The following MAP3K20 variants were observed in gnomAD, a reference collection of about 807,000 sequenced individuals.
MAP3K20 encodes mitogen-activated protein kinase kinase kinase 20, also known as HCCS-4.
MAP3K20 carries 40 observed loss-of-function variants against 85.7 expected under a neutral mutation model. That is an observed-to-expected ratio of 0.47 (90% CI 0.36 to 0.61). The LOEUF is 0.61. MAP3K20 is among the 20% of genes least tolerant of loss of function. MAP3K20 has a pLI of 0.00. For missense variants in MAP3K20, 817 were observed against 961.7 expected (o/e 0.85, Z 1.99); for synonymous variants, 325 against 327.7 (o/e 0.99, Z 0.09).
chr2:173,242,571 G>A (rs4972539), intron 16 of MAP3K20, among the ~76,000 whole-genome samples: 25,803 of 151,870 alleles, frequency 0.17, 2,650 homozygotes, highest in Admixed American at 0.28. Context: ...ATTTGAAACT[G>A]AATACAATGG....
chr2:173,240,445 T>C (rs1472184475), intron 16 of MAP3K20, among the ~76,000 whole-genome samples: 1 of 152,160 alleles, frequency 6.6e-6, no homozygotes, highest in African/African-American at 2.4e-5. Flanking sequence ...TGACTGGAAA[T>C]TGTTGTGAGG....
intron 2 of MAP3K20, among the ~76,000 whole-genome samples, chr2:173,144,462 C>CA (rs71018537): frequency 2.5e-3 from 233 of 92,792 alleles, no homozygotes; most frequent in African/African-American, 3.4e-3. Flanking sequence ...GACTCCGTCT[C>CA]AAAAAAAAAA....
At chr2:173,181,366 GA>G (rs34878141) in intron 3 of MAP3K20, among the ~76,000 whole-genome samples, 7 of 146,886 alleles carry the variant, frequency 4.8e-5, no homozygotes, top group East Asian at 2.0e-4. Context: ...CCCTTTCTCA[GA>G]AAAAAAAAAA....
chr2:173,148,433 C>G lies in MAP3K20; in HGVS notation c.160-21372C>G, dbSNP rs72908913. Among the ~76,000 whole-genome samples the G allele has an allele frequency of 6.8e-3, 1,035 of 152,222 alleles. 16 individuals carry two copies. Among genetic ancestry groups the G allele is most frequent in the Middle Eastern group, 0.017 (5 of 294 alleles). ...AGAACATGTTCTTTATTTTACTATT[C>G]GAAAGGGACTTGGAATTTATTCCAC... is the stretch of plus-strand genomic sequence containing the variant. On this transcript the variant is annotated intron_variant, in intron 2 of 19. Transcript: ENST00000375213.
chr2:173,247,382 C>A, intron 16 of MAP3K20, among the ~76,000 whole-genome samples: 1 of 151,238 alleles, frequency 6.6e-6, no homozygotes, highest in African/African-American at 2.4e-5. Context: ...GATAGATAAA[C>A]ATGAATAAAA....
intron 11 of MAP3K20, chr2:173,224,565 C>G (rs1684335079): frequency 1.0e-6 from 1 of 985,122 alleles, no homozygotes. Flanking sequence ...ATGGTCATAG[C>G]TCATTACTCT....
intron 2 of MAP3K20, among the ~76,000 whole-genome samples, chr2:173,163,315 T>G (rs1051107429): frequency 1.3e-5 from 2 of 152,196 alleles, no homozygotes; most frequent in African/African-American, 2.4e-5. Context: ...GTCTATTGTT[T>G]CCTACTTTGT....
rs570013641 is a variant in MAP3K20, at chr2:173,088,054, T to C, written c.-34-2944T>C. 3.6e-5 allele frequency among the ~76,000 whole-genome samples: 4 copies of C among 110,122 alleles called. No homozygotes were observed. The East Asian group carries it at 7.9e-4, about 22-fold the overall frequency. The allele number at this position is 110,122 out of a possible 152,430, so 72.2% of individuals were successfully genotyped here. A position where few individuals can be genotyped will look rare whatever the true frequency, so the allele number is the denominator to read the frequency against. Reference sequence around the variant, plus strand: ...CTAGAAGGAGTGTCTCTAAAAACAATAGAACCAAAGAGTGAAAAAAAAGAG... The same window carrying C: ...CTAGAAGGAGTGTCTCTAAAAACAACAGAACCAAAGAGTGAAAAAAAAGAG... On this transcript the variant is annotated intron_variant, in intron 1 of 19. Coordinates refer to ENST00000375213, the MANE Select transcript of MAP3K20 (RefSeq NM_016653.3).
intron 16 of MAP3K20, among the ~76,000 whole-genome samples, chr2:173,253,534 C>G (rs1029612345): frequency 6.6e-6 from 1 of 152,164 alleles, no homozygotes; most frequent in South Asian, 2.1e-4. Context: ...TTTTTCCATA[C>G]TGTTTCCATT....
chr2:173,249,768 T>C (rs1300549688), intron 16 of MAP3K20, among the ~76,000 whole-genome samples: 1 of 152,220 alleles, frequency 6.6e-6, no homozygotes, highest in Non-Finnish European at 1.5e-5. Flanking sequence ...GAAGACCTAG[T>C]ACTTTCCAAT....
intron 14 of MAP3K20, among the ~76,000 whole-genome samples, chr2:173,237,119 C>T (rs567672941): frequency 9.9e-5 from 15 of 150,912 alleles, no homozygotes; most frequent in Middle Eastern, 3.4e-3. Flanking sequence ...CTCCGCCTCC[C>T]GGATTCAAGC....
intron 2 of MAP3K20, among the ~76,000 whole-genome samples, chr2:173,099,910 T>G (rs147168787): frequency 0.011 from 1,625 of 152,314 alleles, 13 homozygotes; most frequent in Non-Finnish European, 0.014. Flanking sequence ...ATATGTGAAA[T>G]GTATGTAGAA....
At chr2:173,116,010 A>G (rs1559237522) in intron 2 of MAP3K20, among the ~76,000 whole-genome samples, 1 of 108,796 alleles carries the variant, frequency 9.2e-6, no homozygotes. Context: ...GAAAGAGTCT[A>G]ATTAAAAAAA....
chr2:173,208,397 TAAA>T (rs11446256), intron 9 of MAP3K20, among the ~76,000 whole-genome samples: 4 of 144,888 alleles, frequency 2.8e-5, no homozygotes, highest in African/African-American at 1.0e-4. Flanking sequence ...GACTCTGTCT[TAAA>T]AAAAAAAAAA....
chr2:173,091,918 C>T (rs1225676730), intron 2 of MAP3K20, among the ~76,000 whole-genome samples: 1 of 152,208 alleles, frequency 6.6e-6, no homozygotes, highest in Admixed American at 6.5e-5. Flanking sequence ...TGCAGGGACT[C>T]AGCAGCATTG....
At chr2:173,167,434 C>T (rs1188567976) in intron 2 of MAP3K20, among the ~76,000 whole-genome samples, 1 of 152,074 alleles carries the variant, frequency 6.6e-6, no homozygotes, top group Non-Finnish European at 1.5e-5. Flanking sequence ...ATTCAGTCTG[C>T]CTCTGTTTAC....
At chr2:173,139,681 G>A (rs1226205743) in intron 2 of MAP3K20, among the ~76,000 whole-genome samples, 1 of 151,830 alleles carries the variant, frequency 6.6e-6, no homozygotes, top group Admixed American at 6.6e-5. Flanking sequence ...TTGCTTGGTG[G>A]AATCTCTTCC....
chr2:173,077,726 G>A (rs1210411305), intron 1 of MAP3K20, among the ~76,000 whole-genome samples: 1 of 152,104 alleles, frequency 6.6e-6, no homozygotes, highest in Non-Finnish European at 1.5e-5. Context: ...GTCTAAAAAA[G>A]CAAATAGATG....
Position 173,238,700 on chromosome 2 carries a change from C to A in MAP3K20, c.1266+265C>A, listed in dbSNP as rs3820831. On this transcript the variant is annotated intron_variant, in intron 15 of 19. Coordinates refer to ENST00000375213, the MANE Select transcript of MAP3K20 (RefSeq NM_016653.3). ...TAGGAGTTGTAAGTGCCAACATTAT[C>A]GGTGAGGTCCTGTGGCCTCCCACCT... Among the ~76,000 whole-genome samples the A allele has an allele frequency of 0.11, 16,780 of 152,204 alleles. 1,595 individuals are homozygous for A. The highest frequency in any genetic ancestry group is 0.56 in the East Asian group (2,894 of 5,168).
Sources: allele counts gnomAD v4.1 joint callset (sites outside exome capture counted in the v4.1 genomes callset), GRCh38; gene constraint gnomAD v4.1.1; transcripts MANE v1.5; gene names NCBI Gene and HGNC (gene_info 2026-07-23, HGNC 2026-07-21).